Variants in TBX10 observed in about 807,000 individuals in gnomAD.
TBX10 encodes the protein T-box transcription factor 10.
TBX10 carries 26 observed loss-of-function variants against 32.4 expected under a neutral mutation model. That is an observed-to-expected ratio of 0.80 (90% confidence interval 0.59 to 1.11). TBX10 has a LOEUF of 1.11. TBX10 is among the 50% of genes most tolerant of loss of function. The probability of loss-of-function intolerance (pLI) is 0.00; values close to 1 mark genes in which losing one functional copy is unlikely to be tolerated. For missense variants in TBX10, 490 were observed against 494.5 expected, an observed-to-expected ratio of 0.99 and a Z score of 0.09; for synonymous variants, 195 against 203.1, an observed-to-expected ratio of 0.96 and a Z score of 0.34.
chr11:67,638,414 G>A (rs1206008988), intron 1 of TBX10, among the ~76,000 whole-genome samples: 1 of 152,150 alleles, frequency 6.6e-6, no homozygotes, highest in Non-Finnish European at 1.5e-5. Flanking sequence ...AGGGGACAAG[G>A]TTTTATTCCC....
At position 67,634,866 on chromosome 11, in the gene TBX10, G is replaced by C; in HGVS notation, c.327C>G (p.Ala109=). The C allele has an allele frequency of 6.2e-7, 1 of 1,613,436 alleles. No individual in the cohort carries two copies. Among genetic ancestry groups the C allele is most frequent in the East Asian group, 2.2e-5 (1 of 44,880 alleles). Residue 109 remains alanine, a synonymous_variant, in exon 3 of 8, where the codon GCC becomes GCG. Transcript: ENST00000335385. ...TGAAGTCCATGAGCAGGGCGTAGTC[G>C]GCCAGGGAGTCCATGCCCAGGATCT... The part of the protein sequence containing the change: ...QVKILGMDSL[A]DYALLMDFIP...
At chr11:67,634,511 G>C in intron 3 of TBX10, 151 bp from the exon 4 acceptor site, 2 of 969,128 alleles carry the variant, frequency 2.1e-6, no homozygotes, top group Non-Finnish European at 3.1e-6. Flanking sequence ...AGAGAATCCT[G>C]TTGAGACCTG....
chr11:67,632,511 G>A, intron 6 of TBX10, 92 bp downstream of exon 6: 1 of 1,581,540 alleles, frequency 6.3e-7, no homozygotes, highest in Non-Finnish European at 8.7e-7. Flanking sequence ...GGATGGGTCA[G>A]AGGGTGTGAC....
intron 5 of TBX10, 88 bp downstream of exon 5, chr11:67,632,860 G>T (rs1044978348): frequency 3.1e-6 from 5 of 1,604,870 alleles, no homozygotes; most frequent in Admixed American, 3.3e-5. Context: ...GCAGTAGTCT[G>T]TGCCAGTGAG....
intron 7 of TBX10, 144 bp downstream of exon 7, chr11:67,632,174 G>T: frequency 9.6e-7 from 1 of 1,042,762 alleles, no homozygotes; most frequent in Non-Finnish European, 1.5e-6. Flanking sequence ...TCTTAGGCAT[G>T]TCTGCTTCCC....
rs756467784 is a variant in TBX10 at position 67,635,263 on chromosome 11, G to A, written c.8C>T (p.Ala3Val). Residue 3 changes from alanine to valine, a missense_variant and splice_region_variant, in exon 2 of 8, where the codon GCC becomes GTC. Coordinates refer to ENST00000335385, the MANE Select transcript of TBX10 (RefSeq NM_005995.5). ...TATGCCGAGGCCAGCAGATAGGAAGGCTGTGGAGAGAGGACGGAAGTGTGG... is the reference window on the plus strand; with the variant it reads ...TATGCCGAGGCCAGCAGATAGGAAGACTGTGGAGAGAGGACGGAAGTGTGG... MA[A>V]FLSAGLGILA... 4 of 1,613,288 alleles carry A rather than the reference G, an allele frequency of 2.5e-6. No individual in the cohort carries two copies. Among genetic ancestry groups the A allele is most frequent in the Non-Finnish European group, 3.4e-6 (4 of 1,179,998 alleles).
intron 6 of TBX10, 93 bp downstream of exon 6, chr11:67,632,510 A>G: frequency 3.8e-6 from 6 of 1,585,920 alleles, no homozygotes; most frequent in Non-Finnish European, 4.3e-6. Flanking sequence ...AGGATGGGTC[A>G]GAGGGTGTGA....
chr11:67,633,652 C>T (rs1029205765), intron 4 of TBX10, among the ~76,000 whole-genome samples: 2 of 152,250 alleles, frequency 1.3e-5, no homozygotes, highest in Admixed American at 1.3e-4. Context: ...CACCTACTGT[C>T]CCCTCTGACG....
chr11:67,639,777 C>A (rs1298012942), upstream of TBX10, among the ~76,000 whole-genome samples: 1 of 152,222 alleles, frequency 6.6e-6, no homozygotes, highest in East Asian at 1.9e-4. Context: ...CAAGGCTGTG[C>A]GGGAGGAGGG....
At chr11:67,635,736 C>T (rs1855318896) in intron 1 of TBX10, among the ~76,000 whole-genome samples, 1 of 152,108 alleles carries the variant, frequency 6.6e-6, no homozygotes, top group South Asian at 2.1e-4. Context: ...GGGACCCTGC[C>T]TCCCGGTGCT....
At chr11:67,639,393 T>TTGCCCCCCCCCCC in intron 1 of TBX10, 73 bp downstream of exon 1, 1 of 726,920 alleles carries the variant, frequency 1.4e-6, no homozygotes, top group Non-Finnish European at 2.5e-6. Flanking sequence ...CTGTCTTGGT[T>TTGCCCCCCCCCCC]CCCACCCTGC....
chr11:67,634,745 G>T, intron 3 of TBX10, 71 bp downstream of exon 3: 3 of 1,501,166 alleles, frequency 2.0e-6, no homozygotes, highest in Non-Finnish European at 2.8e-6. Flanking sequence ...TCACCTTGGG[G>T]TGCAGGAAGG....
intron 1 of TBX10, among the ~76,000 whole-genome samples, chr11:67,637,196 T>C (rs1467679939): frequency 6.6e-6 from 1 of 151,866 alleles, no homozygotes; most frequent in African/African-American, 2.4e-5. Context: ...AGATGGAGAG[T>C]TGTTGTTTCA....
chr11:67,640,291 C>A (rs1855387753), upstream of TBX10, among the ~76,000 whole-genome samples: 1 of 152,262 alleles, frequency 6.6e-6, no homozygotes. Flanking sequence ...GTCCCACAGT[C>A]TCCGTGCCTC....
upstream of TBX10, among the ~76,000 whole-genome samples, chr11:67,641,635 T>C (rs1591127871): frequency 2.0e-5 from 3 of 151,628 alleles, no homozygotes; most frequent in Admixed American, 2.0e-4. Context: ...AGGGTGGGGG[T>C]GTAGAGGGCT....
Position 67,631,655 on chromosome 11 carries a change from G to T in TBX10, c.1108C>A (p.Leu370Ile). Reference protein sequence around the residue: ...GGLPLPAGLGLLSPTVVCLGP... With the variant: ...GGLPLPAGLGILSPTVVCLGP... The stretch of plus-strand genomic sequence containing the variant: ...AGGCACACCACAGTGGGGGACAGGA[G>T]CCCCAGCCCAGCTGGGAGAGGCAGG... Residue 370 changes from leucine (L) to isoleucine (I), a missense_variant, in exon 8 of 8, where the codon CTC becomes ATC. Leu to Ile is a conservative substitution (Grantham distance 5). Around this residue, in one of 3 missense-constraint regions of TBX10, gnomAD observed 177 missense variants for 176.6 expected, o/e 1.00. Coordinates refer to ENST00000335385, the MANE Select transcript of TBX10 (RefSeq NM_005995.5). The T allele has an allele frequency of 6.2e-7, 1 of 1,605,790 alleles. No individual in the cohort carries two copies. Among genetic ancestry groups the T allele is most frequent in the Non-Finnish European group, 8.5e-7 (1 of 1,177,908 alleles).
In TBX10 at chr11:67,639,686, G is replaced by C. The variant is rs1321379267; in HGVS notation, c.-214C>G. 3 of 656,930 alleles carry C rather than the reference G, an allele frequency of 4.6e-6. No homozygotes were observed. The highest frequency in any genetic ancestry group is 8.2e-6 in the Non-Finnish European group (3 of 367,086). 40.7% of individuals were successfully genotyped at this position (656,930 alleles called of 1,614,324 possible). A position where few individuals can be genotyped will look rare whatever the true frequency, so the allele number is the denominator to read the frequency against. Reference sequence around the variant, plus strand: ...GGTCGTGGTCTTCCTACTCGAGCTGGACCCCTGGTCTCCGAAGGTGAGATG... The same window carrying C: ...GGTCGTGGTCTTCCTACTCGAGCTGCACCCCTGGTCTCCGAAGGTGAGATG... On this transcript the variant is annotated 5_prime_UTR_variant, in exon 1 of 8. Transcript: ENST00000335385.
intron 1 of TBX10, among the ~76,000 whole-genome samples, chr11:67,637,723 AT>A (rs1198875217): frequency 6.6e-6 from 1 of 151,370 alleles, no homozygotes; most frequent in Admixed American, 6.8e-5. Flanking sequence ...AGAACATAAA[AT>A]ATATTGATTT....
At chr11:67,639,980 A>G (rs1345576608), upstream of TBX10, among the ~76,000 whole-genome samples, 1 of 152,066 alleles carries the variant, frequency 6.6e-6, no homozygotes, top group Non-Finnish European at 1.5e-5. Flanking sequence ...GGCCTGGCTG[A>G]CTGGAGGGGC....
Sources: gnomAD v4.1 joint callset for allele counts (sites outside exome capture counted in the v4.1 genomes callset) on GRCh38, gnomAD v4.1.1 for gene constraint, gnomAD v4.1.1 regional missense constraint, MANE v1.5 for transcripts, NCBI Gene and HGNC (gene_info 2026-07-23, HGNC 2026-07-21) for gene names.